ZSCAN25: variants seen among roughly 807,000 people sequenced by gnomAD.
The protein encoded by ZSCAN25 is zinc finger and SCAN domain containing 25.
A neutral mutation model predicts 38.7 loss-of-function variants in ZSCAN25; 27 were observed. The ratio of observed to expected loss-of-function variants is 0.70; its 90% CI spans 0.51 to 0.96. The LOEUF is 0.96. Among genes scored for constraint, ZSCAN25 ranks in the 40% least tolerant of loss-of-function variants. The pLI, the probability that ZSCAN25 is intolerant of heterozygous loss-of-function variation, is 0.00. For synonymous variants in ZSCAN25, 273 were observed against 277.7 expected (o/e 0.98, Z 0.17); for missense variants, 637 against 705.9 (o/e 0.90, Z 1.11).
chr7:99,657,628 T>C, the ZSCAN25 span, among the ~76,000 whole-genome samples: 5 of 152,232 alleles, frequency 3.3e-5, no homozygotes, highest in Non-Finnish European at 5.9e-5. Context: ...GTTCAATTCC[T>C]GGATATCCTT....
At chr7:99,654,744 G>A in the ZSCAN25 span, among the ~76,000 whole-genome samples, 1 of 152,216 alleles carries the variant, frequency 6.6e-6, no homozygotes, top group African/African-American at 2.4e-5. Context: ...TCCAGCACCT[G>A]TTGTTTCCTG....
At chr7:99,636,046 C>CAA (rs780898445), downstream of ZSCAN25, among the ~76,000 whole-genome samples, 236 of 42,644 alleles carry the variant, frequency 5.5e-3, 2 homozygotes, top group African/African-American at 8.3e-3. Flanking sequence ...GACTCCATCT[C>CAA]AAAAAAAAAA....
the ZSCAN25 span, among the ~76,000 whole-genome samples, chr7:99,724,099 C>G: frequency 6.6e-6 from 1 of 152,188 alleles, no homozygotes; most frequent in African/African-American, 2.4e-5. Flanking sequence ...CATCTCCCCT[C>G]TCTCCATGTC....
the ZSCAN25 span, among the ~76,000 whole-genome samples, chr7:99,726,178 A>G: frequency 3.6e-4 from 55 of 150,760 alleles, no homozygotes; most frequent in South Asian, 5.5e-3. Context: ...GGACACCTCT[A>G]CTCCCTCCCT....
chr7:99,661,560 G>A, the ZSCAN25 span, among the ~76,000 whole-genome samples: 3 of 152,180 alleles, frequency 2.0e-5, no homozygotes, highest in South Asian at 4.1e-4. Context: ...AGAAGCTCAC[G>A]ATGGTCCATC....
In ZSCAN25 at chr7:99,631,362, A is replaced by T. The variant is rs1807984494; in HGVS notation, c.*1342A>T. The T allele has an allele frequency of 1.0e-6, 1 of 984,888 alleles. No homozygotes were observed. Among genetic ancestry groups the T allele is most frequent in the South Asian group, 4.7e-5 (1 of 21,288 alleles). 61.0% of individuals were successfully genotyped at this position (984,888 alleles called of 1,614,324 possible). On this transcript the variant is annotated 3_prime_UTR_variant, in exon 8 of 8. Coordinates refer to ENST00000394152, the MANE Select transcript of ZSCAN25 (RefSeq NM_145115.3). ...AGATATTTGTAGGCATTAAAAAAAA[A>T]TACATTTCTTTAAAAATGAGAAGAT...
Position 99,624,200 on chromosome 7 carries a change from C to T in ZSCAN25, c.805+20C>T. ...CTCCAGGTAAGACTGTCTCCACCCA[C>T]AGGTGAGGAACTGGGGAGTTCTGAA... On this transcript the variant is annotated intron_variant, in intron 7 of 7. Coordinates refer to ENST00000394152, the MANE Select transcript of ZSCAN25 (RefSeq NM_145115.3). 6.2e-7 allele frequency: 1 copy of T among 1,613,070 alleles called. No individual in the cohort carries two copies. The highest frequency in any genetic ancestry group is 8.5e-7 in the Non-Finnish European group (1 of 1,179,832).
the ZSCAN25 span, chr7:99,679,809 T>A: frequency 6.2e-7 from 1 of 1,613,218 alleles, no homozygotes; most frequent in South Asian, 1.1e-5. Context: ...AAGAGAGGAG[T>A]TTGGACAGTT....
At position 99,622,554 on chromosome 7, in the gene ZSCAN25, C is replaced by G. The variant is rs137966152; in HGVS notation, c.595C>G (p.Pro199Ala). The G allele has an allele frequency of 6.2e-7, 1 of 1,614,050 alleles. No individual in the cohort carries two copies. Among genetic ancestry groups the G allele is most frequent in the East Asian group, 2.2e-5 (1 of 44,894 alleles). The change falls in exon 6 of 8, where the codon CCT becomes GCT. Residue 199 changes from proline (P) to alanine (A), a missense_variant. By Grantham distance (27) the Pro-to-Ala change is conservative. Coordinates refer to ENST00000394152, the MANE Select transcript of ZSCAN25 (RefSeq NM_145115.3). The part of the protein sequence containing the change: ...ETRAFQEQAL[P>A]VLQAGPGLPA... ...TGCTTTTTGTCCCTGCTCAGCACTA[C>G]CTGTTCTGCAGGCGGGTCCTGGCCT... is the stretch of plus-strand genomic sequence containing the variant.
At chr7:99,702,807 T>C in the ZSCAN25 span, among the ~76,000 whole-genome samples, 5 of 152,338 alleles carry the variant, frequency 3.3e-5, no homozygotes, top group South Asian at 2.1e-4. Flanking sequence ...TTTTGAGGGA[T>C]TGCATTGAAT....
chr7:99,645,667 TC>T, the ZSCAN25 span, among the ~76,000 whole-genome samples: 1 of 152,208 alleles, frequency 6.6e-6, no homozygotes, highest in Non-Finnish European at 1.5e-5. Flanking sequence ...TTAGATGGTA[TC>T]TTATTGTGGT....
At chr7:99,689,586 A>T in the ZSCAN25 span, among the ~76,000 whole-genome samples, 1 of 152,248 alleles carries the variant, frequency 6.6e-6, no homozygotes, top group East Asian at 1.9e-4. Flanking sequence ...CCTTAAGCTG[A>T]TAAGCAACTT....
In ZSCAN25 at chr7:99,629,220, C is replaced by G; in HGVS notation, c.835C>G (p.Pro279Ala). 1 of 1,612,128 alleles carries G rather than the reference C, an allele frequency of 6.2e-7. No individual in the cohort carries two copies. The highest frequency in any genetic ancestry group is 8.5e-7 in the Non-Finnish European group (1 of 1,179,214). Residue 279 changes from proline (P) to alanine (A), a missense_variant, in exon 8 of 8, where the codon CCC (proline) becomes GCC (alanine). Transcript: ENST00000394152. This position sits in a 1 kb window ranked among gnomAD's most constrained non-coding sequence, Gnocchi z 5.6. ...TGGGAGCAAGGAAAAGGAGGCAAAA[C>G]CCCCACAGGAAGACCTGAAAGGGGC... is the stretch of plus-strand genomic sequence containing the variant. ...GGGSKEKEAKPPQEDLKGALV... is the reference protein window; with the variant it reads ...GGGSKEKEAKAPQEDLKGALV...
At chr7:99,623,862 T>C (rs936840644) in intron 6 of ZSCAN25, among the ~76,000 whole-genome samples, 195 bp from the exon 7 acceptor site, 8 of 152,130 alleles carry the variant, frequency 5.3e-5, no homozygotes, top group Non-Finnish European at 1.2e-4. Context: ...AGAGTGGAAA[T>C]GAGGTGACTT....
chr7:99,670,468 A>T, the ZSCAN25 span, among the ~76,000 whole-genome samples: 1 of 152,236 alleles, frequency 6.6e-6, no homozygotes, highest in South Asian at 2.1e-4. Flanking sequence ...AATTTGATAC[A>T]GGAATTTGAA....
chr7:99,618,753 A>C (rs1806678724), intron 2 of ZSCAN25, 102 bp downstream of exon 2: 1 of 152,246 alleles, frequency 6.6e-6, no homozygotes, highest in South Asian at 2.1e-4. Context: ...AGTAAGAAAT[A>C]AGAATAAAGT....
At chr7:99,642,036 G>A in the ZSCAN25 span, among the ~76,000 whole-genome samples, 1 of 152,152 alleles carries the variant, frequency 6.6e-6, no homozygotes, top group Non-Finnish European at 1.5e-5. Flanking sequence ...TGCCAGGCAC[G>A]CTCCCAGTTT....
chr7:99,675,445 A>G, the ZSCAN25 span, among the ~76,000 whole-genome samples: 1 of 151,922 alleles, frequency 6.6e-6, no homozygotes, highest in African/African-American at 2.4e-5. Context: ...TTCAGTTGTG[A>G]GAGTTAGAAT....
At chr7:99,639,166 G>A in the ZSCAN25 span, among the ~76,000 whole-genome samples, 2 of 152,194 alleles carry the variant, frequency 1.3e-5, no homozygotes, top group Non-Finnish European at 2.9e-5. Flanking sequence ...CAAATAGTTG[G>A]ACGTCCCCTG....
Sources: gnomAD v4.1 joint callset for allele counts (sites outside exome capture counted in the v4.1 genomes callset) on GRCh38, gnomAD v4.1.1 for gene constraint, Gnocchi (gnomAD v3.1) non-coding constraint, MANE v1.5 for transcripts, NCBI Gene and HGNC (gene_info 2026-07-23, HGNC 2026-07-21) for gene names.